The following CD55 variants were observed in gnomAD, a reference collection of about 807,000 sequenced individuals.
CD55 encodes CD55 molecule (Cromer blood group).
CD55 carries 41 observed loss-of-function variants against 45.8 expected under a neutral mutation model. The observed-to-expected ratio is 0.90, with a 90% CI of 0.70 to 1.16. The LOEUF (loss-of-function observed/expected upper bound fraction) is 1.16. Among genes scored for constraint, CD55 ranks in the 50% most tolerant of loss-of-function variants. The pLI is 0.00. For missense variants in CD55, 416 were observed against 469.8 expected, an observed-to-expected ratio of 0.89 and a Z score of 1.06; for synonymous variants, 181 against 181.1, an observed-to-expected ratio of 1.00 and a Z score of 0.01.
chr1:207,338,486 A>T (rs1655281128), intron 8 of CD55, among the ~76,000 whole-genome samples: 1 of 152,192 alleles, frequency 6.6e-6, no homozygotes, highest in Non-Finnish European at 1.5e-5. Context: ...AACTTTATTG[A>T]CATATTTCCT....
chr1:207,337,287 G>A (rs1427254347), intron 7 of CD55, 42 bp from the exon 8 acceptor site: 2 of 1,209,326 alleles, frequency 1.7e-6, no homozygotes, highest in Non-Finnish European at 2.5e-6. Flanking sequence ...GTGACTAATG[G>A]TCTCAAGAGT....
intron 9 of CD55, among the ~76,000 whole-genome samples, chr1:207,356,400 C>T (rs568955644): frequency 5.3e-5 from 8 of 152,108 alleles, no homozygotes; most frequent in South Asian, 2.1e-4. Context: ...TATTCAAAGG[C>T]GCATTTCAAA....
intron 9 of CD55, among the ~76,000 whole-genome samples, chr1:207,353,206 G>T (rs1014420943): frequency 9.2e-5 from 14 of 151,764 alleles, no homozygotes; most frequent in African/African-American, 3.4e-4. Context: ...CCTAGTGACA[G>T]ACCAAGAGAC....
At chr1:207,349,402 C>G (rs1286323791) in intron 9 of CD55, among the ~76,000 whole-genome samples, 2 of 152,074 alleles carry the variant, frequency 1.3e-5, no homozygotes, top group African/African-American at 2.4e-5. Context: ...AAGCTAGTCT[C>G]AAACTCCTGA....
intron 7 of CD55, 154 bp downstream of exon 7, chr1:207,336,972 C>T: frequency 1.2e-6 from 1 of 823,610 alleles, no homozygotes; most frequent in Non-Finnish European, 2.0e-6. Context: ...AATGTTCCAG[C>T]TACAGGAGTC....
At chr1:207,346,610 C>T (rs546419268) in intron 9 of CD55, among the ~76,000 whole-genome samples, 2 of 152,278 alleles carry the variant, frequency 1.3e-5, no homozygotes, top group East Asian at 1.9e-4. Flanking sequence ...CAGCCATAGC[C>T]GCATGCACTG....
intron 9 of CD55, among the ~76,000 whole-genome samples, chr1:207,346,370 G>C (rs796260826): frequency 7.2e-5 from 11 of 152,206 alleles, no homozygotes; most frequent in African/African-American, 2.7e-4. Flanking sequence ...GTGACGCTGG[G>C]CCAGATGGAC....
intron 6 of CD55, 84 bp downstream of exon 6, chr1:207,331,380 A>G (rs1654939712): frequency 8.3e-6 from 9 of 1,080,038 alleles, no homozygotes; most frequent in East Asian, 7.1e-5. Context: ...TGAACCCCCT[A>G]AGAAAAAAAT....
At chr1:207,340,717 A>C in intron 9 of CD55, 1 of 508,530 alleles carries the variant, frequency 2.0e-6, no homozygotes, top group South Asian at 2.7e-5. Flanking sequence ...AGATGATTCC[A>C]TATCTTTGCT....
intron 6 of CD55, 128 bp downstream of exon 6, chr1:207,331,424 C>A: frequency 1.4e-6 from 1 of 719,876 alleles, no homozygotes; most frequent in South Asian, 1.8e-5. Flanking sequence ...TTGTATTTTT[C>A]TGTGGGACAC....
intron 8 of CD55, among the ~76,000 whole-genome samples, chr1:207,338,404 T>C (rs1655277671): frequency 6.6e-6 from 1 of 152,164 alleles, no homozygotes; most frequent in African/African-American, 2.4e-5. Context: ...AATTTCTAGG[T>C]TGAACACGTC....
At chr1:207,347,534 A>G (rs1655696672) in intron 9 of CD55, 2 of 269,048 alleles carry the variant, frequency 7.4e-6, no homozygotes, top group South Asian at 3.7e-5. Flanking sequence ...TGCTGGGATT[A>G]CAGGCGTGAG....
At chr1:207,322,613 C>A in intron 2 of CD55, 46 bp downstream of exon 2, 1 of 1,470,804 alleles carries the variant, frequency 6.8e-7, no homozygotes, top group Non-Finnish European at 9.3e-7. Flanking sequence ...TGGAATGTAT[C>A]TTAAATTTAT....
chr1:207,326,167 T>C (rs1412170746), intron 4 of CD55, among the ~76,000 whole-genome samples: 1 of 152,202 alleles, frequency 6.6e-6, no homozygotes, highest in Non-Finnish European at 1.5e-5. Context: ...TTTGATAAGT[T>C]CTCTGTATAG....
chr1:207,347,685 G>C (rs770991794), intron 9 of CD55: 14 of 164,936 alleles, frequency 8.5e-5, no homozygotes, highest in Non-Finnish European at 4.0e-5. Context: ...CACCCAGGTA[G>C]TGAGCTTAGT....
chr1:207,339,305 G>C (rs181529094), intron 8 of CD55, 92 bp from the exon 9 acceptor site: 1 of 840,156 alleles, frequency 1.2e-6, no homozygotes, highest in Non-Finnish European at 2.0e-6. Flanking sequence ...GAGTTTTCTA[G>C]TGTAGTTTAT....
chr1:207,349,186 ATT>A (rs55880818), intron 9 of CD55, among the ~76,000 whole-genome samples: 2 of 142,062 alleles, frequency 1.4e-5, no homozygotes, highest in Admixed American at 7.0e-5. Flanking sequence ...TTTTGTATTA[ATT>A]TTTTTTTTTT....
chr1:207,343,284 A>C (rs1459367119), intron 9 of CD55, among the ~76,000 whole-genome samples: 1 of 151,716 alleles, frequency 6.6e-6, no homozygotes, highest in African/African-American at 2.4e-5. Context: ...TTTATTTGAA[A>C]TCTTTCTACT....
chr1:207,339,489 A>G, intron 9 of CD55, 72 bp downstream of exon 9: 2 of 1,127,298 alleles, frequency 1.8e-6, no homozygotes, highest in East Asian at 4.9e-5. Context: ...TTCCTGGGAG[A>G]TAATATTGTC....
Sources: allele counts gnomAD v4.1 joint callset (sites outside exome capture counted in the v4.1 genomes callset), GRCh38; gene constraint gnomAD v4.1.1; transcripts MANE v1.5; gene names NCBI Gene and HGNC (gene_info 2026-07-23, HGNC 2026-07-21).